Variants in NCALD observed in about 807,000 individuals in gnomAD.
The protein encoded by NCALD is neurocalcin-delta.
Under a neutral mutation model 18.6 loss-of-function variants are expected in NCALD, and 10 were observed. That is an observed-to-expected ratio of 0.54 (90% CI 0.33 to 0.91). The LOEUF (loss-of-function observed/expected upper bound fraction) is 0.91, where lower values mean the gene tolerates loss of function less well. Ranked by LOEUF, NCALD falls within the 40% of genes least tolerant of loss-of-function variation. The pLI, the probability that NCALD is intolerant of heterozygous loss-of-function variation, is 0.03. For synonymous variants in NCALD, 88 were observed against 87.4 expected, an observed-to-expected ratio of 1.01 and a Z score of -0.04; for missense variants, 184 against 247.6, an observed-to-expected ratio of 0.74 and a Z score of 1.72.
chr8:101,834,425 C>T (rs1383726295), intron 4 of NCALD, among the ~76,000 whole-genome samples: 4 of 152,232 alleles, frequency 2.6e-5, no homozygotes, highest in African/African-American at 7.2e-5. Context: ...CTATTCACTC[C>T]GTGCCCCTGC....
At chr8:102,015,226 T>C (rs1822043587) in intron 2 of NCALD, among the ~76,000 whole-genome samples, 1 of 152,150 alleles carries the variant, frequency 6.6e-6, no homozygotes, top group South Asian at 2.1e-4. Flanking sequence ...TCTCTCTTTC[T>C]CATCACCCTA....
At chr8:102,099,071 G>A (rs1825191360) in intron 1 of NCALD, among the ~76,000 whole-genome samples, 1 of 152,202 alleles carries the variant, frequency 6.6e-6, no homozygotes, top group South Asian at 2.1e-4. Context: ...AGAGATGGGA[G>A]GTAGAAAGTG....
intron 4 of NCALD, among the ~76,000 whole-genome samples, chr8:101,862,688 A>C (rs925403249): frequency 6.6e-6 from 1 of 152,186 alleles, no homozygotes; most frequent in African/African-American, 2.4e-5. Context: ...ATTTAATCTC[A>C]TGCTAGTTTT....
intron 4 of NCALD, among the ~76,000 whole-genome samples, chr8:101,883,560 C>T (rs1816566298): frequency 6.6e-6 from 1 of 152,168 alleles, no homozygotes; most frequent in South Asian, 2.1e-4. Context: ...TGGTTTCCCT[C>T]TCGTTTTCCT....
intron 1 of NCALD, among the ~76,000 whole-genome samples, chr8:102,024,055 G>T (rs1425136023): frequency 6.6e-6 from 1 of 152,126 alleles, no homozygotes; most frequent in African/African-American, 2.4e-5. Context: ...AATCCTTGTT[G>T]CTCTTTTGCC....
intron 3 of NCALD, among the ~76,000 whole-genome samples, chr8:101,901,970 T>C (rs1257815332): frequency 6.6e-6 from 1 of 152,136 alleles, no homozygotes; most frequent in Non-Finnish European, 1.5e-5. Context: ...TTTGTATTTT[T>C]AGTAGAGATG....
At chr8:102,116,833 C>G (rs1825804723) in intron 1 of NCALD, among the ~76,000 whole-genome samples, 1 of 152,076 alleles carries the variant, frequency 6.6e-6, no homozygotes, top group African/African-American at 2.4e-5. Flanking sequence ...CCCCCGGAAC[C>G]AGTGAATATG....
chr8:102,005,163 T>A (rs1400382111), intron 2 of NCALD, among the ~76,000 whole-genome samples: 2 of 152,080 alleles, frequency 1.3e-5, no homozygotes, highest in East Asian at 1.9e-4. Flanking sequence ...GAATCTACAA[T>A]GAACTCAAAC....
chr8:101,786,122 G>C (rs1192544697), intron 1 of NCALD: 3 of 152,212 alleles, frequency 2.0e-5, no homozygotes. Flanking sequence ...TAGTTAGACT[G>C]CATATTCCAT....
chr8:101,970,072 C>T (rs1314668437), intron 2 of NCALD, among the ~76,000 whole-genome samples: 2 of 152,074 alleles, frequency 1.3e-5, no homozygotes, highest in African/African-American at 2.4e-5. Flanking sequence ...GAGGAAAAGC[C>T]GCTCCATGAA....
At chr8:101,847,807 G>A (rs542794363) in intron 4 of NCALD, among the ~76,000 whole-genome samples, 3 of 152,298 alleles carry the variant, frequency 2.0e-5, no homozygotes, top group East Asian at 3.9e-4. Context: ...CAGGTGTCCT[G>A]AGGAGCTGTT....
chr8:101,713,836 G>A (rs146328585), intron 2 of NCALD, among the ~76,000 whole-genome samples: 1,683 of 152,160 alleles, frequency 0.011, 32 homozygotes, highest in African/African-American at 0.037. Context: ...ATTCACAGCC[G>A]AATTCTACCA....
At chr8:102,003,545 C>T (rs1486232185) in intron 2 of NCALD, among the ~76,000 whole-genome samples, 2 of 152,168 alleles carry the variant, frequency 1.3e-5, no homozygotes, top group Non-Finnish European at 2.9e-5. Flanking sequence ...CCAGCATCAT[C>T]CTGATACCAA....
At chr8:101,970,074 C>T (rs1217894242) in intron 2 of NCALD, among the ~76,000 whole-genome samples, 2 of 152,174 alleles carry the variant, frequency 1.3e-5, no homozygotes, top group East Asian at 3.8e-4. Flanking sequence ...GGAAAAGCCG[C>T]TCCATGAACA....
At chr8:102,082,726 A>G (rs1457724138) in intron 1 of NCALD, among the ~76,000 whole-genome samples, 1 of 152,200 alleles carries the variant, frequency 6.6e-6, no homozygotes, top group Non-Finnish European at 1.5e-5. Context: ...ACAGGAGCGA[A>G]TTTTCAAGAC....
At chr8:101,716,724 C>T (rs1196282757) in intron 2 of NCALD, among the ~76,000 whole-genome samples, 1 of 152,200 alleles carries the variant, frequency 6.6e-6, no homozygotes, top group Non-Finnish European at 1.5e-5. Context: ...ACAAACTTTG[C>T]AGACGTGATT....
At chr8:101,915,478 G>A (rs1817941846) in intron 3 of NCALD, 1 of 152,188 alleles carries the variant, frequency 6.6e-6, no homozygotes, top group Admixed American at 6.5e-5. Context: ...CTGTTGTAAT[G>A]TACCCCTTGA....
In NCALD at chr8:101,734,495, G is replaced by A. The variant is rs189910631; in HGVS notation, c.-19-14847C>T. 1.1e-3 allele frequency among the ~76,000 whole-genome samples: 171 copies of A among 152,294 alleles called. 1 individual carries two copies. Among genetic ancestry groups the A allele is most frequent in the Non-Finnish European group, 9.3e-4 (63 of 68,024 alleles). On this transcript the variant is annotated intron_variant, in intron 1 of 3. Transcript: ENST00000220931. ...TCATATTGTATCCCTGGCACCTAAC[G>A]CCATTCCTGACAGATGCTTAATAAG...
At chr8:101,908,665 C>T (rs1246599384) in intron 3 of NCALD, among the ~76,000 whole-genome samples, 1 of 152,158 alleles carries the variant, frequency 6.6e-6, no homozygotes, top group African/African-American at 2.4e-5. Context: ...TGTACTCATA[C>T]TCATGACCTG....
Sources: allele counts gnomAD v4.1 joint callset (sites outside exome capture counted in the v4.1 genomes callset), GRCh38; gene constraint gnomAD v4.1.1; transcripts MANE v1.5; gene names NCBI Gene and HGNC (gene_info 2026-07-23, HGNC 2026-07-21).